Variants in KCNN2 observed in about 807,000 individuals in gnomAD.
The protein encoded by KCNN2 is small conductance calcium-activated potassium channel protein 2.
In KCNN2, 24 loss-of-function variants were observed where a neutral mutation model predicts 55.5. The ratio of observed to expected loss-of-function variants is 0.43; its 90% CI spans 0.31 to 0.61. KCNN2 has a LOEUF of 0.61. Ranked by LOEUF, KCNN2 falls within the 20% of genes least tolerant of loss-of-function variation. KCNN2 has a pLI of 0.08. For synonymous variants in KCNN2, 431 were observed against 336.1 expected (o/e 1.28, Z -3.09); for missense variants, 754 against 853.6 (o/e 0.88, Z 1.45).
chr5:114,424,847 CAGG>C (rs1270603320), intron 3 of KCNN2, among the ~76,000 whole-genome samples: 2 of 152,126 alleles, frequency 1.3e-5, no homozygotes, highest in East Asian at 3.8e-4. Flanking sequence ...ACACTGAACA[CAGG>C]AGGAGAGAGT....
At chr5:114,115,261 G>A (rs572831541) in intron 1 of KCNN2, among the ~76,000 whole-genome samples, 2 of 152,062 alleles carry the variant, frequency 1.3e-5, no homozygotes, top group African/African-American at 4.8e-5. Flanking sequence ...TCTAATTTAT[G>A]CAAATAATTT....
chr5:114,163,868 A>G (rs1310753353), intron 1 of KCNN2, among the ~76,000 whole-genome samples: 2 of 152,216 alleles, frequency 1.3e-5, no homozygotes, highest in Non-Finnish European at 2.9e-5. Context: ...TATTAATGAA[A>G]TGGTTAGAAG....
chr5:114,152,158 A>ATT (rs575615997), intron 1 of KCNN2, among the ~76,000 whole-genome samples: 1 of 150,510 alleles, frequency 6.6e-6, no homozygotes, highest in East Asian at 1.9e-4. Flanking sequence ...TCCAATTACC[A>ATT]TTTTTTTTTG....
chr5:114,485,922 A>G (rs1762418573), intron 5 of KCNN2, among the ~76,000 whole-genome samples: 4 of 152,184 alleles, frequency 2.6e-5, no homozygotes, highest in African/African-American at 7.2e-5. Flanking sequence ...GTGTAATTCT[A>G]AAGCTCATCC....
intron 1 of KCNN2, among the ~76,000 whole-genome samples, chr5:114,115,908 G>C (rs979469923): frequency 2.6e-5 from 4 of 152,038 alleles, no homozygotes; most frequent in African/African-American, 9.7e-5. Flanking sequence ...TTCTTTCTTG[G>C]GATTTTGGAA....
At chr5:114,091,030 G>A (rs918103488) in intron 1 of KCNN2, among the ~76,000 whole-genome samples, 36 of 152,114 alleles carry the variant, frequency 2.4e-4, no homozygotes, top group Admixed American at 2.3e-3. Context: ...TGTAGAGATG[G>A]GTTTTTGCCA....
chr5:114,394,175 A>G (rs781451421), intron 2 of KCNN2, among the ~76,000 whole-genome samples: 6 of 152,182 alleles, frequency 3.9e-5, no homozygotes, highest in Non-Finnish European at 5.9e-5. Flanking sequence ...ACATGTAATA[A>G]AACTTTTACT....
In KCNN2 at chr5:114,253,132, C is replaced by CTTT. The variant is rs35260445; in HGVS notation, c.-185+31578_-185+31580dup. The stretch of plus-strand genomic sequence containing the variant: ...AGAGGTTTCTTTTTTTTCTTGCTTT[C>CTTT]TTTTTTTTTTTTTCCTGCCCTGAGC... On this transcript the variant is annotated intron_variant, in intron 2 of 10. Coordinates refer to the KCNN2 transcript ENST00000512097. Among the ~76,000 whole-genome samples, 1,237 of 140,380 alleles carry CTTT rather than the reference C, an allele frequency of 8.8e-3. 28 individuals carry two copies. The highest frequency in any genetic ancestry group is 0.023 in the African/African-American group (876 of 37,896). The allele number at this position is 140,380 out of a possible 152,430, so 92.1% of individuals were successfully genotyped here.
chr5:114,397,087 G>T (rs1758642843), intron 2 of KCNN2, among the ~76,000 whole-genome samples: 1 of 152,162 alleles, frequency 6.6e-6, no homozygotes, highest in Non-Finnish European at 1.5e-5. Context: ...GTATTCCATA[G>T]TGTACACATA....
In KCNN2 at chr5:114,495,935, A is replaced by G; in HGVS notation, c.2129A>G (p.Glu710Gly). ...TATGATATGATTTCTGACTTAAACGAAAGGAGTGAAGACTTCGAGAAGAGG... is the reference window on the plus strand; with the variant it reads ...TATGATATGATTTCTGACTTAAACGGAAGGAGTGAAGACTTCGAGAAGAGG... The part of the protein sequence containing the change: ...IMYDMISDLN[E>G]RSEDFEKRIV... Residue 710 changes from glutamate to glycine, a missense_variant, in exon 8 of 8, where the codon GAA (glutamate) becomes GGA (glycine). Glu to Gly is a moderately conservative substitution (Grantham distance 98, BLOSUM62 -2). This residue lies in a region of KCNN2 where 164 missense variants were observed against 156.6 expected (regional missense o/e 1.05). Coordinates refer to ENST00000673685, the MANE Select transcript of KCNN2 (RefSeq NM_021614.4). The G allele has an allele frequency of 6.2e-7, 1 of 1,614,050 alleles. No individual in the cohort carries two copies. The highest frequency in any genetic ancestry group is 2.2e-5 in the East Asian group (1 of 44,858).
intron 5 of KCNN2, among the ~76,000 whole-genome samples, chr5:114,484,905 A>G (rs1398093378): frequency 6.6e-6 from 1 of 152,186 alleles, no homozygotes; most frequent in African/African-American, 2.4e-5. Context: ...ATCAGCTAAA[A>G]TGAGTGCTTA....
At chr5:114,089,974 T>C (rs1396714908) in intron 1 of KCNN2, among the ~76,000 whole-genome samples, 1 of 152,202 alleles carries the variant, frequency 6.6e-6, no homozygotes, top group Non-Finnish European at 1.5e-5. Context: ...ATGTATTCTA[T>C]GTGATGTGGG....
intron 3 of KCNN2, among the ~76,000 whole-genome samples, chr5:114,457,884 T>C (rs1365192625): frequency 1.3e-5 from 2 of 152,220 alleles, no homozygotes; most frequent in Non-Finnish European, 2.9e-5. Flanking sequence ...CTGTCCTTTG[T>C]TGCTAGATAA....
At chr5:114,175,167 T>G (rs1234625692) in intron 1 of KCNN2, among the ~76,000 whole-genome samples, 1 of 152,196 alleles carries the variant, frequency 6.6e-6, no homozygotes, top group Non-Finnish European at 1.5e-5. Flanking sequence ...AATACTGTAA[T>G]GTTAACAATT....
intron 7 of KCNN2, among the ~76,000 whole-genome samples, chr5:114,494,883 T>C (rs1580936995): frequency 1.3e-5 from 2 of 152,258 alleles, no homozygotes; most frequent in East Asian, 3.9e-4. Flanking sequence ...TTTACCATCT[T>C]TAAAAGATTG....
At chr5:114,394,268 A>G (rs890428059) in intron 2 of KCNN2, among the ~76,000 whole-genome samples, 1 of 152,190 alleles carries the variant, frequency 6.6e-6, no homozygotes, top group African/African-American at 2.4e-5. Context: ...TATAAGTTTA[A>G]GAGCCATTTT....
At chr5:114,175,391 A>G (rs1338281373) in intron 1 of KCNN2, among the ~76,000 whole-genome samples, 1 of 152,212 alleles carries the variant, frequency 6.6e-6, no homozygotes, top group African/African-American at 2.4e-5. Flanking sequence ...CGCCCTTTAA[A>G]ATAATGTACT....
intron 1 of KCNN2, among the ~76,000 whole-genome samples, chr5:114,197,943 T>C (rs1047433421): frequency 6.6e-6 from 1 of 152,136 alleles, no homozygotes; most frequent in African/African-American, 2.4e-5. Context: ...TTTAGGACAA[T>C]TTCCAGGGAA....
intron 2 of KCNN2, among the ~76,000 whole-genome samples, chr5:114,365,069 A>G (rs1318151932): frequency 6.6e-6 from 1 of 152,142 alleles, no homozygotes; most frequent in Non-Finnish European, 1.5e-5. Context: ...AATTAATTTT[A>G]AATTAGTAAT....
Sources: gnomAD v4.1 joint callset for allele counts (sites outside exome capture counted in the v4.1 genomes callset) on GRCh38, gnomAD v4.1.1 for gene constraint, gnomAD v4.1.1 regional missense constraint, MANE v1.5 for transcripts, NCBI Gene and HGNC (gene_info 2026-07-23, HGNC 2026-07-21) for gene names.